The following DOCK1 variants were observed in gnomAD, a reference collection of about 807,000 sequenced individuals.
DOCK1 encodes the protein dedicator of cytokinesis protein 1.
In DOCK1, 138 loss-of-function variants were observed where a neutral mutation model predicts 262.7. That is an observed-to-expected ratio of 0.53 (90% confidence interval 0.46 to 0.61). The LOEUF (loss-of-function observed/expected upper bound fraction) is 0.61. DOCK1 is among the 20% of genes least tolerant of loss of function. The probability of loss-of-function intolerance (pLI) is 0.00; values close to 1 mark genes in which losing one functional copy is unlikely to be tolerated. For missense variants in DOCK1, 1,908 were observed against 2,370.7 expected, an observed-to-expected ratio of 0.80 and a Z score of 4.05; for synonymous variants, 866 against 867.4, an observed-to-expected ratio of 1.00 and a Z score of 0.03.
intron 29 of DOCK1, among the ~76,000 whole-genome samples, chr10:127,271,851 A>C (rs1199780909): frequency 6.6e-6 from 1 of 152,256 alleles, no homozygotes. Flanking sequence ...CTCTTTTTAT[A>C]TTTGAGTCCA....
intron 29 of DOCK1, among the ~76,000 whole-genome samples, chr10:127,329,687 G>A (rs775528274): frequency 3.9e-5 from 6 of 152,114 alleles, no homozygotes; most frequent in Admixed American, 6.5e-5. Flanking sequence ...CATTTCTGAT[G>A]TGTTTGTCTT....
At chr10:127,337,850 G>A (rs746186441) in intron 29 of DOCK1, among the ~76,000 whole-genome samples, 4 of 152,230 alleles carry the variant, frequency 2.6e-5, no homozygotes, top group Admixed American at 6.5e-5. Flanking sequence ...TTCTCAGAGC[G>A]GCACGCAGTG....
rs763409345 is a variant in DOCK1, at chr10:127,052,956, G to A, written c.2336+141G>A. ...CCCCCTTGCTTTCTAGGCTGAGAGA[G>A]CACTGTTGATCCTGGGGTGAGCTGC... On this transcript the variant is annotated intron_variant, in intron 22 of 51. Transcript: ENST00000623213. 2.0e-4 allele frequency: 265 copies of A among 1,357,768 alleles called. 1 individual carries two copies. The highest frequency in any genetic ancestry group is 2.4e-4 in the Non-Finnish European group (245 of 1,013,892). 84.1% of individuals were successfully genotyped at this position (1,357,768 alleles called of 1,614,324 possible).
chr10:127,132,091 C>G (rs2050360566), intron 27 of DOCK1, among the ~76,000 whole-genome samples: 1 of 152,180 alleles, frequency 6.6e-6, no homozygotes, highest in African/African-American at 2.4e-5. Context: ...GACAGCTTCC[C>G]CCTATTAATG....
intron 12 of DOCK1, among the ~76,000 whole-genome samples, chr10:127,014,623 G>A (rs757811241): frequency 9.9e-5 from 15 of 152,152 alleles, no homozygotes; most frequent in Non-Finnish European, 1.9e-4. Flanking sequence ...CTTTCTGTAA[G>A]ATATATTTTG....
chr10:127,153,843 T>A (rs370262110), intron 27 of DOCK1: 1 of 1,602,184 alleles, frequency 6.2e-7, no homozygotes, highest in African/African-American at 1.3e-5. Flanking sequence ...GAGGAGAATG[T>A]TAACATACCT....
intron 33 of DOCK1, among the ~76,000 whole-genome samples, chr10:127,367,303 G>C (rs931788099): frequency 1.3e-5 from 2 of 152,132 alleles, no homozygotes; most frequent in Admixed American, 1.3e-4. Flanking sequence ...ACTTGTGCAA[G>C]AAAGAGCACA....
intron 1 of DOCK1, among the ~76,000 whole-genome samples, chr10:126,942,521 G>A (rs893353219): frequency 7.2e-5 from 11 of 152,136 alleles, no homozygotes; most frequent in Admixed American, 5.2e-4. Context: ...ACCTACAAGC[G>A]TTAGAATGCG....
intron 1 of DOCK1, among the ~76,000 whole-genome samples, chr10:126,966,673 A>G (rs2037702086): frequency 6.6e-6 from 1 of 152,242 alleles, no homozygotes; most frequent in South Asian, 2.1e-4. Context: ...AACAGAGGTG[A>G]TCGCAATACC....
intron 31 of DOCK1, among the ~76,000 whole-genome samples, chr10:127,351,959 T>A (rs1375661454): frequency 6.6e-6 from 1 of 151,748 alleles, no homozygotes; most frequent in Non-Finnish European, 1.5e-5. Context: ...TAAAACCGCA[T>A]CTTTAGCACC....
intron 38 of DOCK1, among the ~76,000 whole-genome samples, chr10:127,401,752 C>T (rs1208638499): frequency 3.9e-5 from 6 of 152,192 alleles, no homozygotes; most frequent in East Asian, 3.9e-4. Context: ...CATCATCTGA[C>T]GGTCACCTGA....
At chr10:126,936,167 G>A (rs1320782997) in intron 1 of DOCK1, among the ~76,000 whole-genome samples, 4 of 152,198 alleles carry the variant, frequency 2.6e-5, no homozygotes, top group African/African-American at 7.2e-5. Context: ...ATTTTGTACA[G>A]ACAGGGTTTT....
intron 29 of DOCK1, among the ~76,000 whole-genome samples, chr10:127,279,096 C>A (rs1027235877): frequency 1.3e-5 from 2 of 152,210 alleles, no homozygotes; most frequent in Non-Finnish European, 2.9e-5. Context: ...GTAGCGTTTC[C>A]TATCAGGGGG....
chr10:127,161,405 C>T lies in DOCK1; in HGVS notation c.2847+33641C>T, dbSNP rs1465677908. On this transcript the variant is annotated intron_variant, in intron 27 of 51. Transcript: ENST00000623213. ...CCTTTTTCCCAGTAGCTGATAGGACCCATCTGTCAGCCAGCATCCAACTTG... is the reference window on the plus strand; with the variant it reads ...CCTTTTTCCCAGTAGCTGATAGGACTCATCTGTCAGCCAGCATCCAACTTG... Among the ~76,000 whole-genome samples the T allele has an allele frequency of 2.0e-5, 3 of 152,250 alleles. No individual in the cohort carries two copies. In the East Asian group the frequency reaches 5.8e-4, roughly 29 times the overall value.
intron 27 of DOCK1, chr10:127,137,694 G>A: frequency 1.5e-6 from 1 of 681,828 alleles, no homozygotes; most frequent in Non-Finnish European, 2.4e-6. Flanking sequence ...TTGGTACAAA[G>A]GCCTTTTTGG....
At chr10:127,289,568 A>T (rs549457559) in intron 29 of DOCK1, among the ~76,000 whole-genome samples, 1 of 152,306 alleles carries the variant, frequency 6.6e-6, no homozygotes, top group African/African-American at 2.4e-5. Flanking sequence ...GAATTGTAAC[A>T]TCTCACCAGA....
chr10:127,369,075 T>C (rs2065073890), intron 33 of DOCK1, among the ~76,000 whole-genome samples: 1 of 152,198 alleles, frequency 6.6e-6, no homozygotes, highest in South Asian at 2.1e-4. Flanking sequence ...ATAATCTTTG[T>C]GTCATCAGTG....
chr10:127,004,206 A>T (rs1178239922), intron 10 of DOCK1, among the ~76,000 whole-genome samples: 1 of 151,716 alleles, frequency 6.6e-6, no homozygotes, highest in East Asian at 1.9e-4. Context: ...GTGAGCCAAG[A>T]TCACGCCAGA....
At chr10:127,365,650 G>A (rs1157101170) in intron 33 of DOCK1, among the ~76,000 whole-genome samples, 1 of 152,086 alleles carries the variant, frequency 6.6e-6, no homozygotes, top group Admixed American at 6.5e-5. Flanking sequence ...TCAGTCTTTG[G>A]GTCAAAATAA....
Sources: allele counts gnomAD v4.1 joint callset (sites outside exome capture counted in the v4.1 genomes callset), GRCh38; gene constraint gnomAD v4.1.1; transcripts MANE v1.5; gene names NCBI Gene and HGNC (gene_info 2026-07-23, HGNC 2026-07-21).